Variants in AVEN observed in about 807,000 individuals in gnomAD.
AVEN encodes the protein apoptosis and caspase activation inhibitor.
In AVEN, 41 loss-of-function variants were observed where a neutral mutation model predicts 38.1. The observed-to-expected ratio is 1.08, with a 90% CI of 0.84 to 1.40. AVEN has a LOEUF of 1.40. Ranked by LOEUF, AVEN falls within the 40% of genes most tolerant of loss-of-function variation. AVEN has a pLI of 0.00. For synonymous variants in AVEN, 206 were observed against 171.8 expected (o/e 1.20, Z -1.56); for missense variants, 605 against 438.8 (o/e 1.38, Z -3.38).
intron 3 of AVEN, among the ~76,000 whole-genome samples, chr15:33,873,434 G>A (rs1891083243): frequency 7.4e-6 from 1 of 134,432 alleles, no homozygotes; most frequent in South Asian, 2.2e-4. Context: ...GTCACACTGA[G>A]GACATGGGAT....
At chr15:33,918,027 C>G (rs939707829) in intron 2 of AVEN, among the ~76,000 whole-genome samples, 2 of 152,058 alleles carry the variant, frequency 1.3e-5, no homozygotes, top group Non-Finnish European at 2.9e-5. Flanking sequence ...CTATTAATTA[C>G]AGGTTGAAAT....
intron 2 of AVEN, among the ~76,000 whole-genome samples, chr15:34,068,264 C>T (rs1451537792): frequency 6.7e-6 from 1 of 149,162 alleles, no homozygotes; most frequent in Non-Finnish European, 1.5e-5. Flanking sequence ...CAGGGTCTCA[C>T]TCTGTCATCC....
intron 2 of AVEN, among the ~76,000 whole-genome samples, chr15:33,951,302 C>T (rs1438288741): frequency 6.6e-6 from 1 of 151,648 alleles, no homozygotes; most frequent in Non-Finnish European, 1.5e-5. Context: ...AATTTATTAA[C>T]AATTAATAGT....
At chr15:33,942,673 G>A (rs942935707) in intron 2 of AVEN, among the ~76,000 whole-genome samples, 1 of 152,168 alleles carries the variant, frequency 6.6e-6, no homozygotes, top group Non-Finnish European at 1.5e-5. Context: ...GGATGGTCTC[G>A]ATCTCCTGAC....
At chr15:33,951,630 C>T (rs995483183) in intron 2 of AVEN, among the ~76,000 whole-genome samples, 20 of 152,062 alleles carry the variant, frequency 1.3e-4, no homozygotes, top group African/African-American at 4.1e-4. Flanking sequence ...CCCTTTCCCT[C>T]CTCTAACAAA....
In AVEN at chr15:33,961,601, C is replaced by A. The variant is rs192162940; in HGVS notation, c.445+41431G>T. Among the ~76,000 whole-genome samples the A allele has an allele frequency of 1.1e-4, 16 of 151,714 alleles. No homozygotes were observed. The South Asian group carries it at 3.3e-3, about 32-fold the overall frequency. ...GGCCAAGGTGGGCGAATCACGAGGT[C>A]AGGAGATCGAGACCATTCTGGCTAA... On this transcript the variant is annotated intron_variant, in intron 2 of 5. Transcript: ENST00000306730.
chr15:33,868,231 C>T (rs1205692392), intron 4 of AVEN, among the ~76,000 whole-genome samples: 1 of 152,136 alleles, frequency 6.6e-6, no homozygotes, highest in Non-Finnish European at 1.5e-5. Flanking sequence ...TATAAAAAGT[C>T]ACCAAGAAGT....
intron 2 of AVEN, among the ~76,000 whole-genome samples, chr15:33,916,649 C>G (rs558500206): frequency 6.6e-6 from 1 of 152,220 alleles, no homozygotes; most frequent in East Asian, 1.9e-4. Flanking sequence ...TACTACATTA[C>G]TCCTGCAAGA....
chr15:33,904,007 T>C (rs1038562968), intron 2 of AVEN, among the ~76,000 whole-genome samples: 5 of 152,202 alleles, frequency 3.3e-5, no homozygotes, highest in Non-Finnish European at 7.3e-5. Flanking sequence ...ATATATAACA[T>C]AGAATAGGTA....
At chr15:33,966,883 T>C (rs28505823) in intron 2 of AVEN, among the ~76,000 whole-genome samples, 15,801 of 152,116 alleles carry the variant, frequency 0.1, 2,236 homozygotes, top group African/African-American at 0.32. Context: ...AAAACATATA[T>C]AATATTATAG....
At chr15:33,923,135 C>T (rs1893465579) in intron 2 of AVEN, among the ~76,000 whole-genome samples, 1 of 86,052 alleles carries the variant, frequency 1.2e-5, no homozygotes, top group South Asian at 3.5e-4. Flanking sequence ...ATAGGATAAG[C>T]TAAGAGAGAG....
rs543913408 is a variant in AVEN, at chr15:33,868,986, G to C, written c.613-1131C>G. On this transcript the variant is annotated intron_variant, in intron 4 of 5. Transcript: ENST00000306730. ...TCTCGAGGGAAGGCTCCAGGGATGA[G>C]CAAGGCCTCACAGTGGGCAGGTTCA... Among the ~76,000 whole-genome samples, 347 of 152,330 alleles carry C rather than the reference G, an allele frequency of 2.3e-3. 3 individuals carry two copies. Among genetic ancestry groups the C allele is most frequent in the African/African-American group, 8.2e-3 (340 of 41,576 alleles).
intron 4 of AVEN, chr15:34,064,649 G>C (rs1449819508): frequency 1.0e-5 from 3 of 286,904 alleles, no homozygotes. Flanking sequence ...CCCTTCTGTA[G>C]GAAACAGCAG....
At chr15:34,000,238 T>C (rs2140613563) in intron 2 of AVEN, among the ~76,000 whole-genome samples, 1 of 152,358 alleles carries the variant, frequency 6.6e-6, no homozygotes, top group African/African-American at 2.4e-5. Flanking sequence ...TAACATTTTA[T>C]ATACTCTTCT....
chr15:34,054,920 C>T (rs1049926777), intron 5 of AVEN, among the ~76,000 whole-genome samples: 8 of 151,278 alleles, frequency 5.3e-5, no homozygotes, highest in South Asian at 2.1e-4. Flanking sequence ...AAGCTGGGTG[C>T]GGTGGCTCAC....
At chr15:33,901,128 G>A (rs897835347) in intron 2 of AVEN, among the ~76,000 whole-genome samples, 3 of 152,158 alleles carry the variant, frequency 2.0e-5, no homozygotes, top group Non-Finnish European at 2.9e-5. Context: ...TTGGCTGGGT[G>A]TGGTGGTAGG....
intron 3 of AVEN, among the ~76,000 whole-genome samples, chr15:33,872,437 G>A (rs540229763): frequency 6.6e-6 from 1 of 152,222 alleles, no homozygotes; most frequent in African/African-American, 2.4e-5. Context: ...CTGTCCATAT[G>A]AGCCTGGGGC....
chr15:33,944,533 C>T (rs1428337512), intron 2 of AVEN, among the ~76,000 whole-genome samples: 1 of 152,112 alleles, frequency 6.6e-6, no homozygotes, highest in African/African-American at 2.4e-5. Flanking sequence ...CTCAACCAGG[C>T]CAGGCACGGC....
At chr15:33,905,212 A>T (rs1400548111) in intron 2 of AVEN, among the ~76,000 whole-genome samples, 1 of 32,756 alleles carries the variant, frequency 3.1e-5, no homozygotes, top group African/African-American at 4.1e-5. Flanking sequence ...AAAACAAAAC[A>T]AACAAACAAA....
Sources: gnomAD v4.1 joint callset for allele counts (sites outside exome capture counted in the v4.1 genomes callset) on GRCh38, gnomAD v4.1.1 for gene constraint, MANE v1.5 for transcripts, NCBI Gene and HGNC (gene_info 2026-07-23, HGNC 2026-07-21) for gene names.